The following MAF variants were observed in gnomAD, a reference collection of about 807,000 sequenced individuals.
MAF encodes transcription factor Maf.
Under a neutral mutation model 22.0 loss-of-function variants are expected in MAF, and 10 were observed. That is an observed-to-expected ratio of 0.45 (90% CI 0.28 to 0.77). The LOEUF is 0.77. Ranked by LOEUF, MAF falls within the 30% of genes least tolerant of loss-of-function variation. MAF has a pLI of 0.12. For synonymous variants in MAF, 337 were observed against 255.8 expected (o/e 1.32, Z -3.03); for missense variants, 544 against 548.4 (o/e 0.99, Z 0.08).
chr16:79,478,784 G>A, the MAF span, among the ~76,000 whole-genome samples: 9 of 151,436 alleles, frequency 5.9e-5, no homozygotes, highest in South Asian at 4.2e-4. Flanking sequence ...CAGCATACCC[G>A]TATACCATCC....
chr16:79,313,418 C>T, the MAF span, among the ~76,000 whole-genome samples: 1 of 152,174 alleles, frequency 6.6e-6, no homozygotes, highest in South Asian at 2.1e-4. Context: ...CCAGTCATGA[C>T]CAGGTCCATG....
At chr16:79,340,439 G>C in the MAF span, among the ~76,000 whole-genome samples, 6 of 150,954 alleles carry the variant, frequency 4.0e-5, no homozygotes, top group African/African-American at 9.7e-5. Flanking sequence ...GGTATTCCCA[G>C]TGCCTGGCAC....
chr16:79,400,478 C>G, the MAF span, among the ~76,000 whole-genome samples: 1,687 of 152,352 alleles, frequency 0.011, 56 homozygotes, highest in East Asian at 0.1. Flanking sequence ...AGTGCCTGGC[C>G]TGGTTAAGTA....
At chr16:79,512,835 C>G in the MAF span, among the ~76,000 whole-genome samples, 1 of 152,138 alleles carries the variant, frequency 6.6e-6, no homozygotes, top group East Asian at 1.9e-4. Flanking sequence ...GGATGGGTCT[C>G]GCAGAGCCCA....
the MAF span, among the ~76,000 whole-genome samples, chr16:79,465,754 A>G: frequency 6.6e-6 from 1 of 152,148 alleles, no homozygotes; most frequent in Non-Finnish European, 1.5e-5. Flanking sequence ...CTGACCTTCA[A>G]TATCCTCTCC....
the MAF span, among the ~76,000 whole-genome samples, chr16:79,484,328 G>T: frequency 6.6e-6 from 1 of 152,140 alleles, no homozygotes; most frequent in Non-Finnish European, 1.5e-5. Context: ...GGATTTCGTT[G>T]ACCACTACCT....
chr16:79,449,499 C>T, the MAF span, among the ~76,000 whole-genome samples: 1 of 152,208 alleles, frequency 6.6e-6, no homozygotes, highest in African/African-American at 2.4e-5. Context: ...GTTTTACTTA[C>T]TACCTCTCTT....
the MAF span, chr16:79,212,916 A>AAAAAG: frequency 6.6e-5 from 10 of 151,524 alleles, no homozygotes; most frequent in African/African-American, 2.2e-4. Flanking sequence ...TAAAGAAAGA[A>AAAAAG]AAAAGAAAAA....
At chr16:79,529,530 T>C in the MAF span, among the ~76,000 whole-genome samples, 2 of 152,152 alleles carry the variant, frequency 1.3e-5, no homozygotes, top group Non-Finnish European at 2.9e-5. Flanking sequence ...ACAACAACAA[T>C]GCCAATCTTA....
the MAF span, among the ~76,000 whole-genome samples, chr16:79,238,574 G>A: frequency 6.6e-6 from 1 of 151,970 alleles, no homozygotes; most frequent in Non-Finnish European, 1.5e-5. Context: ...GTCTCCCTGG[G>A]AATGCCAGGT....
chr16:79,598,164 G>C, intron 1 of MAF: 1 of 1,046,752 alleles, frequency 9.6e-7, no homozygotes, highest in South Asian at 4.6e-5. Context: ...AAAAAACTTT[G>C]CTTTTTTTTT....
chr16:79,302,759 T>C, the MAF span, among the ~76,000 whole-genome samples: 1 of 152,232 alleles, frequency 6.6e-6, no homozygotes, highest in African/African-American at 2.4e-5. Context: ...TTTGCTGTTA[T>C]TCAAAACCTG....
the MAF span, among the ~76,000 whole-genome samples, chr16:79,229,137 A>AC: frequency 1.7e-4 from 26 of 150,524 alleles, no homozygotes; most frequent in East Asian, 2.0e-3. Flanking sequence ...TCAAACATAG[A>AC]CCCCCCCCAA....
the MAF span, among the ~76,000 whole-genome samples, chr16:79,269,821 G>A: frequency 4.6e-5 from 7 of 152,030 alleles, no homozygotes; most frequent in African/African-American, 1.2e-4. Context: ...CAACCTCCAC[G>A]GACCTACTTT....
the MAF span, among the ~76,000 whole-genome samples, chr16:79,417,969 T>C: frequency 1.3e-5 from 2 of 152,146 alleles, no homozygotes; most frequent in Admixed American, 1.3e-4. Flanking sequence ...CCGACTGGCC[T>C]ATGTGTGAGT....
At chr16:79,533,573 A>C in the MAF span, among the ~76,000 whole-genome samples, 1 of 152,146 alleles carries the variant, frequency 6.6e-6, no homozygotes, top group Non-Finnish European at 1.5e-5. Context: ...GGAAAGTATG[A>C]CATCTGTTCA....
Position 79,600,624 on chromosome 16 carries a change from T to C in MAF, c.-722A>G. On this transcript the variant is annotated 5_prime_UTR_variant, in exon 1 of 2. Transcript: ENST00000326043. ...TTTTTAAAAAAGCAAAATAGCGAAG[T>C]CCTGGGGAAAGACGAGGCAGAGAGC... The C allele has an allele frequency of 5.1e-6, 1 of 196,126 alleles. No individual in the cohort carries two copies. Among genetic ancestry groups the C allele is most frequent in the East Asian group, 8.9e-5 (1 of 11,188 alleles). 12.1% of individuals were successfully genotyped at this position (196,126 alleles called of 1,614,324 possible). A position where few individuals can be genotyped will look rare whatever the true frequency, so the allele number is the denominator to read the frequency against.
At chr16:79,268,583 C>T in the MAF span, among the ~76,000 whole-genome samples, 1 of 152,138 alleles carries the variant, frequency 6.6e-6, no homozygotes, top group Admixed American at 6.5e-5. Context: ...TTTGCAACAA[C>T]AGACATAGAG....
chr16:79,232,161 G>A, the MAF span, among the ~76,000 whole-genome samples: 1 of 152,008 alleles, frequency 6.6e-6, no homozygotes, highest in Non-Finnish European at 1.5e-5. Context: ...GTTCCTAACA[G>A]GCCATGGATT....
Sources: gnomAD v4.1 joint callset for allele counts (sites outside exome capture counted in the v4.1 genomes callset) on GRCh38, gnomAD v4.1.1 for gene constraint, MANE v1.5 for transcripts, NCBI Gene and HGNC (gene_info 2026-07-23, HGNC 2026-07-21) for gene names.